Variants in DOCK3 observed in about 807,000 individuals in gnomAD.
The protein encoded by DOCK3 is dedicator of cytokinesis 3.
Under a neutral mutation model 265.6 loss-of-function variants are expected in DOCK3, and 60 were observed. That is an observed-to-expected ratio of 0.23 (90% CI 0.18 to 0.28). The LOEUF (loss-of-function observed/expected upper bound fraction) is 0.28, where lower values mean the gene tolerates loss of function less well. DOCK3 is among the 10% of genes least tolerant of loss of function. The pLI, the probability that DOCK3 is intolerant of heterozygous loss-of-function variation, is 1.00. For missense variants in DOCK3, 1,981 were observed against 2,594.3 expected, an observed-to-expected ratio of 0.76 and a Z score of 5.14; for synonymous variants, 881 against 938.0, an observed-to-expected ratio of 0.94 and a Z score of 1.11.
chr3:50,863,809 G>A (rs1390888961), intron 3 of DOCK3, among the ~76,000 whole-genome samples: 1 of 152,174 alleles, frequency 6.6e-6, no homozygotes, highest in African/African-American at 2.4e-5. Flanking sequence ...TTTTATCATT[G>A]AATAACATTC....
intron 5 of DOCK3, among the ~76,000 whole-genome samples, chr3:50,936,419 C>T (rs1013563323): frequency 6.6e-6 from 1 of 150,420 alleles, no homozygotes; most frequent in Non-Finnish European, 1.5e-5. Context: ...CTGAAATTTT[C>T]CAGTTTGGCG....
intron 5 of DOCK3, among the ~76,000 whole-genome samples, chr3:50,952,885 CAAAT>C (rs1324077158): frequency 6.6e-6 from 1 of 152,040 alleles, no homozygotes; most frequent in Non-Finnish European, 1.5e-5. Context: ...AGATAAATAA[CAAAT>C]AAATAACAGT....
intron 3 of DOCK3, among the ~76,000 whole-genome samples, chr3:50,854,934 T>C (rs1415775457): frequency 1.3e-5 from 2 of 151,996 alleles, no homozygotes; most frequent in East Asian, 1.9e-4. Context: ...CAAAGATCAG[T>C]TGATTGTAGG....
At chr3:51,326,952 C>T (rs1346190562) in intron 32 of DOCK3, among the ~76,000 whole-genome samples, 1 of 152,064 alleles carries the variant, frequency 6.6e-6, no homozygotes, top group Admixed American at 6.6e-5. Context: ...AGGTTCATTC[C>T]AAATTTTTGT....
intron 5 of DOCK3, among the ~76,000 whole-genome samples, chr3:51,053,831 G>A (rs1278483063): frequency 6.6e-6 from 1 of 151,846 alleles, no homozygotes; most frequent in African/African-American, 2.4e-5. Context: ...GTTTTTCTTA[G>A]GGTTAATAAT....
Position 51,381,686 on chromosome 3 carries a change from C to T in DOCK3, c.*127C>T. The T allele has an allele frequency of 7.7e-7, 1 of 1,302,974 alleles. No homozygotes were observed. Among genetic ancestry groups the T allele is most frequent in the Non-Finnish European group, 1.0e-6 (1 of 983,834 alleles). The allele number at this position is 1,302,974 out of a possible 1,614,324, so 80.7% of individuals were successfully genotyped here. A position where few individuals can be genotyped will look rare whatever the true frequency, so the allele number is the denominator to read the frequency against. The stretch of plus-strand genomic sequence containing the variant: ...GGCTTGCACTCAGGAGAGAACCACC[C>T]CCAAGTCTCCGTTCTACTGCCGTGA... On this transcript the variant is annotated 3_prime_UTR_variant, in exon 53 of 53. Coordinates refer to ENST00000266037, the MANE Select transcript of DOCK3 (RefSeq NM_004947.5). The surrounding 1 kb of genome is among the most constrained non-coding windows in gnomAD (Gnocchi z 5.6).
chr3:51,012,601 A>G (rs1475527687), intron 5 of DOCK3, among the ~76,000 whole-genome samples: 2 of 152,104 alleles, frequency 1.3e-5, no homozygotes, highest in Non-Finnish European at 2.9e-5. Context: ...TTCCTGGGTG[A>G]GGCGATGCCT....
At position 51,359,003 on chromosome 3, in the gene DOCK3, C is replaced by G. The variant is rs2110314708; in HGVS notation, c.4884+926C>G. Among the ~76,000 whole-genome samples, 1 of 152,358 alleles carries G rather than the reference C, an allele frequency of 6.6e-6. No homozygotes were observed. Among genetic ancestry groups the G allele is most frequent in the East Asian group, 1.9e-4 (1 of 5,188 alleles). On this transcript the variant is annotated intron_variant, in intron 46 of 52. Coordinates refer to ENST00000266037, the MANE Select transcript of DOCK3 (RefSeq NM_004947.5). This position sits in a 1 kb window ranked among gnomAD's most constrained non-coding sequence, Gnocchi z 4.8. ...TATGAGCCCAATTACCTGCTGCTAC[C>G]TGGCACCCAAGCCAAGTTCTCTTCT...
At position 51,010,190 on chromosome 3, in the gene DOCK3, G is replaced by A. The variant is rs150421637; in HGVS notation, c.316-54258G>A. On this transcript the variant is annotated intron_variant, in intron 5 of 52. Transcript: ENST00000266037. ...GATATCCTTGTTAATTTTCTGTCTCGCTGATCTGTCCAATGTTGACAGTGG... is the reference window on the plus strand; with the variant it reads ...GATATCCTTGTTAATTTTCTGTCTCACTGATCTGTCCAATGTTGACAGTGG... 9.2e-3 allele frequency among the ~76,000 whole-genome samples: 1,406 copies of A among 152,160 alleles called. 5 individuals are homozygous for A. Among genetic ancestry groups the A allele is most frequent in the Non-Finnish European group, 0.016 (1,095 of 67,992 alleles).
intron 5 of DOCK3, among the ~76,000 whole-genome samples, chr3:50,983,383 C>T (rs2077772071): frequency 6.6e-6 from 1 of 152,078 alleles, no homozygotes; most frequent in Admixed American, 6.5e-5. Context: ...CTTGTGGTAC[C>T]TTTTCTGGGC....
intron 27 of DOCK3, among the ~76,000 whole-genome samples, chr3:51,286,337 A>G (rs1256314261): frequency 1.3e-5 from 2 of 152,254 alleles, no homozygotes; most frequent in Admixed American, 6.5e-5. Context: ...ATGGAAAAAC[A>G]TTCCATGTTC....
rs772275106 is a variant in DOCK3 at position 51,374,470 on chromosome 3, C to G, written c.5295C>G (p.Gly1765=). Residue 1765 remains glycine (G), a splice_region_variant and synonymous_variant, in exon 50 of 53, where the codon GGC becomes GGG. Coordinates refer to ENST00000266037, the MANE Select transcript of DOCK3 (RefSeq NM_004947.5). The surrounding 1 kb of genome is among the most constrained non-coding windows in gnomAD (Gnocchi z 4.8). ...TTGATTGTTCTCACTTGGTTACAGGCTCTCCCTCTCTGCCAGATAAGTACC... is the reference window on the plus strand; with the variant it reads ...TTGATTGTTCTCACTTGGTTACAGGGTCTCCCTCTCTGCCAGATAAGTACC... ...MITSAPSSAR[G]SPSLPDKYRH... 1 of 1,611,800 alleles carries G rather than the reference C, an allele frequency of 6.2e-7. No individual in the cohort carries two copies. Among genetic ancestry groups the G allele is most frequent in the Non-Finnish European group, 8.5e-7 (1 of 1,179,044 alleles).
chr3:50,760,090 C>G (rs1334800858), intron 1 of DOCK3, among the ~76,000 whole-genome samples: 1 of 151,406 alleles, frequency 6.6e-6, no homozygotes, highest in Non-Finnish European at 1.5e-5. Context: ...TGTCATGAAG[C>G]TTTTCCCTTA....
At chr3:50,990,318 T>G (rs1434217721) in intron 5 of DOCK3, among the ~76,000 whole-genome samples, 1 of 152,100 alleles carries the variant, frequency 6.6e-6, no homozygotes, top group African/African-American at 2.4e-5. Context: ...TCCTGCAAGT[T>G]TCTACACCAG....
chr3:51,358,099 C>G, intron 46 of DOCK3, 22 bp downstream of exon 46: 1 of 1,607,992 alleles, frequency 6.2e-7, no homozygotes, highest in Non-Finnish European at 8.5e-7. Flanking sequence ...CCTGTCCTGC[C>G]CCTGCTGCAG....
chr3:50,847,904 T>A (rs1399730753), intron 3 of DOCK3, among the ~76,000 whole-genome samples: 122 of 52,584 alleles, frequency 2.3e-3, no homozygotes, highest in Middle Eastern at 0.011. Context: ...AAAAAAAAAA[T>A]CCCCCACAGT....
chr3:50,991,871 G>C (rs537220481), intron 5 of DOCK3, among the ~76,000 whole-genome samples: 5 of 152,086 alleles, frequency 3.3e-5, no homozygotes, highest in African/African-American at 9.6e-5. Context: ...AATATAAAGA[G>C]CCAAAATCAT....
intron 22 of DOCK3, among the ~76,000 whole-genome samples, chr3:51,247,533 C>A (rs2078896927): frequency 6.6e-6 from 1 of 152,222 alleles, no homozygotes; most frequent in Admixed American, 6.5e-5. Flanking sequence ...ACATCACCTG[C>A]AACAAGTACT....
intron 3 of DOCK3, among the ~76,000 whole-genome samples, chr3:50,860,623 G>T (rs761392600): frequency 6.6e-6 from 1 of 152,180 alleles, no homozygotes; most frequent in Non-Finnish European, 1.5e-5. Context: ...GCCATGTTTT[G>T]GTAGAGCAGA....
Sources: allele counts gnomAD v4.1 joint callset (sites outside exome capture counted in the v4.1 genomes callset), GRCh38; gene constraint gnomAD v4.1.1; non-coding constraint Gnocchi (gnomAD v3.1); transcripts MANE v1.5; gene names NCBI Gene and HGNC (gene_info 2026-07-23, HGNC 2026-07-21).